Variants in DSCAM observed in about 807,000 individuals in gnomAD.
DSCAM encodes DS cell adhesion molecule, also known as cell adhesion molecule DSCAM.
In DSCAM, 47 loss-of-function variants were observed where a neutral mutation model predicts 217.7. The ratio of observed to expected loss-of-function variants is 0.22; its 90% CI spans 0.17 to 0.28. The LOEUF is 0.28. DSCAM is among the 10% of genes least tolerant of loss of function. The probability of loss-of-function intolerance (pLI) is 1.00; values close to 1 mark genes in which losing one functional copy is unlikely to be tolerated. For synonymous variants in DSCAM, 1,056 were observed against 1,015.3 expected, an observed-to-expected ratio of 1.04 and a Z score of -0.76; for missense variants, 2,080 against 2,618.3, an observed-to-expected ratio of 0.79 and a Z score of 4.49.
chr21:40,066,611 TACA>T (rs2089211045), intron 27 of DSCAM, among the ~76,000 whole-genome samples: 1 of 152,228 alleles, frequency 6.6e-6, no homozygotes, highest in African/African-American at 2.4e-5. Flanking sequence ...AATTTTTTTT[TACA>T]ACTTCTATAG....
intron 3 of DSCAM, among the ~76,000 whole-genome samples, chr21:40,491,264 C>T (rs1166193140): frequency 1.3e-5 from 2 of 152,104 alleles, no homozygotes; most frequent in Non-Finnish European, 2.9e-5. Context: ...GGTAATTGCT[C>T]TCTTTTTTTA....
chr21:40,267,270 T>C (rs1438006778), intron 11 of DSCAM, among the ~76,000 whole-genome samples: 1 of 152,148 alleles, frequency 6.6e-6, no homozygotes, highest in Admixed American at 6.5e-5. Context: ...TAACTTTTTT[T>C]TTTTTTATAA....
intron 1 of DSCAM, among the ~76,000 whole-genome samples, chr21:40,712,406 T>A (rs940553047): frequency 3.3e-4 from 44 of 131,420 alleles, no homozygotes; most frequent in Admixed American, 2.2e-3. Flanking sequence ...GAGCTTGCAG[T>A]GAGCCGAGAT....
intron 3 of DSCAM, among the ~76,000 whole-genome samples, chr21:40,428,508 A>G (rs543193618): frequency 6.6e-6 from 1 of 152,080 alleles, no homozygotes; most frequent in African/African-American, 2.4e-5. Context: ...AACCTCAGGT[A>G]ATCCACCCGC....
At position 40,042,417 on chromosome 21, in the gene DSCAM, A is replaced by C; in HGVS notation, c.5640T>G (p.Asp1880Glu). Residue 1880 changes from aspartate to glutamate, a missense_variant, in exon 32 of 33, where the codon GAT (aspartate) becomes GAG (glutamate). Asp to Glu is a conservative substitution (Grantham distance 45, BLOSUM62 2). Around this residue, in one of 5 missense-constraint regions of DSCAM, gnomAD observed 1,144 missense variants for 1,421.1 expected, o/e 0.81. Transcript: ENST00000400454. Reference sequence around the variant, plus strand: ...CTGCCATATTCATTACTCTTCCTCCATCCTGAGGTTTGGGGGGAGATGCAG... The same window carrying C: ...CTGCCATATTCATTACTCTTCCTCCCTCCTGAGGTTTGGGGGGAGATGCAG... ...RFTASPPKPQ[D>E]GGRVMNMAVP... The C allele has an allele frequency of 3.1e-6, 5 of 1,614,096 alleles. No homozygotes were observed. Among genetic ancestry groups the C allele is most frequent in the Non-Finnish European group, 4.2e-6 (5 of 1,179,994 alleles).
chr21:40,790,753 A>C (rs1023148066), intron 1 of DSCAM, among the ~76,000 whole-genome samples: 2 of 152,360 alleles, frequency 1.3e-5, no homozygotes, highest in African/African-American at 4.8e-5. Flanking sequence ...ACAAAAAATA[A>C]ATAAGAATTT....
chr21:40,510,363 A>G (rs1470708044), intron 3 of DSCAM, among the ~76,000 whole-genome samples: 1 of 152,228 alleles, frequency 6.6e-6, no homozygotes, highest in Admixed American at 6.5e-5. Context: ...TTACATTGTA[A>G]TAAGTCCACC....
At chr21:40,479,888 A>G (rs183225414) in intron 3 of DSCAM, among the ~76,000 whole-genome samples, 118 of 151,280 alleles carry the variant, frequency 7.8e-4, no homozygotes, top group African/African-American at 2.6e-3. Context: ...TTTCAGACAT[A>G]TGTGTGTGTA....
chr21:40,523,777 A>G (rs1350915788), intron 3 of DSCAM, among the ~76,000 whole-genome samples: 1 of 152,072 alleles, frequency 6.6e-6, no homozygotes, highest in Non-Finnish European at 1.5e-5. Flanking sequence ...ATGCTAAACC[A>G]ATAGAGCACA....
chr21:40,286,780 C>T (rs113680913), intron 10 of DSCAM, among the ~76,000 whole-genome samples: 41 of 134,396 alleles, frequency 3.1e-4, no homozygotes, highest in Non-Finnish European at 4.9e-4. Context: ...GGATCTGAAG[C>T]GTGATCTGCA....
intron 3 of DSCAM, among the ~76,000 whole-genome samples, chr21:40,681,077 A>G (rs1309651542): frequency 6.6e-6 from 1 of 152,202 alleles, no homozygotes; most frequent in Non-Finnish European, 1.5e-5. Flanking sequence ...TTTTGAGGCA[A>G]TTTTTTCATG....
chr21:40,702,164 T>C (rs958730212), intron 2 of DSCAM, among the ~76,000 whole-genome samples: 1 of 152,188 alleles, frequency 6.6e-6, no homozygotes, highest in African/African-American at 2.4e-5. Context: ...CTCCCCCCTT[T>C]ACATTATGAA....
At chr21:40,451,649 G>A (rs867876725) in intron 3 of DSCAM, among the ~76,000 whole-genome samples, 3 of 152,140 alleles carry the variant, frequency 2.0e-5, no homozygotes, top group East Asian at 1.9e-4. Flanking sequence ...TAATTTAGCC[G>A]CAACTGTTTC....
intron 3 of DSCAM, among the ~76,000 whole-genome samples, chr21:40,544,658 ACACC>A (rs2076567393): frequency 6.6e-6 from 1 of 152,192 alleles, no homozygotes; most frequent in South Asian, 2.1e-4. Flanking sequence ...GACCCTGCTG[ACACC>A]TTGATTTTGA....
intron 32 of DSCAM, among the ~76,000 whole-genome samples, chr21:40,040,138 G>A (rs1446252613): frequency 6.6e-6 from 1 of 152,176 alleles, no homozygotes; most frequent in Non-Finnish European, 1.5e-5. Flanking sequence ...CATATCAGAT[G>A]TTCAGTAATA....
chr21:40,821,089 TAGAG>T (rs750596725), intron 1 of DSCAM, among the ~76,000 whole-genome samples: 9 of 72,140 alleles, frequency 1.2e-4, no homozygotes, highest in African/African-American at 3.9e-4. Context: ...TTCACATATA[TAGAG>T]AGATATATAT....
intron 3 of DSCAM, among the ~76,000 whole-genome samples, chr21:40,560,336 AG>A (rs150703624): frequency 1.3e-5 from 2 of 152,072 alleles, no homozygotes; most frequent in African/African-American, 4.8e-5. Flanking sequence ...AGGTGGCTCC[AG>A]GGGGACCCCC....
At chr21:40,379,412 G>A (rs1230846223) in intron 3 of DSCAM, among the ~76,000 whole-genome samples, 1 of 152,164 alleles carries the variant, frequency 6.6e-6, no homozygotes, top group Non-Finnish European at 1.5e-5. Flanking sequence ...GAGTAGATGC[G>A]TCAAAGAGGG....
At chr21:40,470,521 A>T (rs1402582984) in intron 3 of DSCAM, among the ~76,000 whole-genome samples, 1 of 152,146 alleles carries the variant, frequency 6.6e-6, no homozygotes, top group Non-Finnish European at 1.5e-5. Flanking sequence ...GCCCAACACG[A>T]AGCTTACTCT....
Sources: gnomAD v4.1 joint callset for allele counts (sites outside exome capture counted in the v4.1 genomes callset) on GRCh38, gnomAD v4.1.1 for gene constraint, gnomAD v4.1.1 regional missense constraint, MANE v1.5 for transcripts, NCBI Gene and HGNC (gene_info 2026-07-23, HGNC 2026-07-21) for gene names.